The following ATP2B2 variants were observed in gnomAD, a reference collection of about 807,000 sequenced individuals.
ATP2B2 encodes the protein plasma membrane calcium-transporting ATPase 2.
ATP2B2 carries 15 observed loss-of-function variants against 120.0 expected under a neutral mutation model. That is an observed-to-expected ratio of 0.12 (90% confidence interval 0.08 to 0.19). ATP2B2 has a LOEUF of 0.19. ATP2B2 is among the 10% of genes least tolerant of loss of function. The pLI, the probability that ATP2B2 is intolerant of heterozygous loss-of-function variation, is 1.00. For missense variants in ATP2B2, 1,045 were observed against 1,719.8 expected (o/e 0.61, Z 6.94); for synonymous variants, 694 against 700.3 (o/e 0.99, Z 0.14).
intron 1 of ATP2B2, among the ~76,000 whole-genome samples, chr3:10,467,882 C>G (rs2064816115): frequency 6.6e-6 from 1 of 152,162 alleles, no homozygotes; most frequent in Non-Finnish European, 1.5e-5. Context: ...GGCAGTATCT[C>G]AATAATCCCG....
At position 10,530,255 on chromosome 3, in the gene ATP2B2, C is replaced by T. The variant is rs573377340; in HGVS notation, c.-320+3784G>A. ...CTGAGCAGTTGTCAATATTCCAGGC[C>T]CTAAGCTGGGCATATCCTATTTTCT... On this transcript the variant is annotated intron_variant, in intron 3 of 21. Coordinates refer to the ATP2B2 transcript ENST00000646379. 2.6e-3 allele frequency among the ~76,000 whole-genome samples: 398 copies of T among 152,340 alleles called. 4 individuals are homozygous for T. Among genetic ancestry groups the T allele is most frequent in the Non-Finnish European group, 4.9e-3 (335 of 68,030 alleles).
intron 2 of ATP2B2, among the ~76,000 whole-genome samples, chr3:10,579,548 C>A (rs1284609518): frequency 1.3e-5 from 2 of 152,220 alleles, no homozygotes; most frequent in Admixed American, 6.5e-5. Flanking sequence ...GTGGTGCACA[C>A]CTGTAACTCC....
chr3:10,345,314 A>C, intron 18 of ATP2B2, 70 bp downstream of exon 18: 1 of 1,560,708 alleles, frequency 6.4e-7, no homozygotes, highest in African/African-American at 1.4e-5. Context: ...GGAGTACCCT[A>C]AGGCCCCCGA....
intron 2 of ATP2B2, among the ~76,000 whole-genome samples, chr3:10,444,231 C>T (rs1434371476): frequency 6.6e-6 from 1 of 152,232 alleles, no homozygotes; most frequent in Non-Finnish European, 1.5e-5. Context: ...ACGCATGACC[C>T]TGCCCAGGCT....
chr3:10,592,282 T>C (rs1444555742), intron 2 of ATP2B2, among the ~76,000 whole-genome samples: 1 of 152,240 alleles, frequency 6.6e-6, no homozygotes, highest in Non-Finnish European at 1.5e-5. Flanking sequence ...GGGAAGTGGA[T>C]GGCAGAGAGA....
chr3:10,539,112 C>T lies in ATP2B2; in HGVS notation c.-414-4979G>A, dbSNP rs575366587. On this transcript the variant is annotated intron_variant, in intron 2 of 21. Coordinates refer to the ATP2B2 transcript ENST00000646379. The stretch of plus-strand genomic sequence containing the variant: ...CAGAGAGCCAAATCATGAGTGAACT[C>T]CCATTCACAATTGCTTCAAAGAGAA... Among the ~76,000 whole-genome samples the T allele has an allele frequency of 2.6e-5, 4 of 152,292 alleles. No homozygotes were observed. In the South Asian group the frequency reaches 8.3e-4, roughly 32 times the overall value.
chr3:10,422,670 T>C (rs903855824), intron 2 of ATP2B2, among the ~76,000 whole-genome samples: 5 of 152,256 alleles, frequency 3.3e-5, no homozygotes, highest in African/African-American at 1.2e-4. Flanking sequence ...CAACTGTGGA[T>C]GTGGCACTAG....
Position 10,697,778 on chromosome 3 carries a change from G to A in ATP2B2, c.-460+10137C>T, listed in dbSNP as rs547630990. Among the ~76,000 whole-genome samples the A allele has an allele frequency of 1.7e-4, 26 of 152,292 alleles. No individual in the cohort carries two copies. In the South Asian group the frequency reaches 2.7e-3, roughly 16 times the overall value. On this transcript the variant is annotated intron_variant, in intron 1 of 21. Transcript: ENST00000646379. The stretch of plus-strand genomic sequence containing the variant: ...AAACCATCCCCTCAAATTGACAGGC[G>A]TGCAGCAAATCCTAAATCTCAGGGT...
At chr3:10,501,270 G>A (rs1327798568) in intron 1 of ATP2B2, among the ~76,000 whole-genome samples, 3 of 151,932 alleles carry the variant, frequency 2.0e-5, no homozygotes, top group Admixed American at 6.5e-5. Context: ...GCCTCCCGCC[G>A]CCTCCATCCA....
chr3:10,476,174 C>T (rs2065195455), intron 1 of ATP2B2, among the ~76,000 whole-genome samples: 4 of 152,214 alleles, frequency 2.6e-5, no homozygotes, highest in Admixed American at 1.3e-4. Flanking sequence ...AACTGGGAAG[C>T]ATTTGCAGGG....
chr3:10,350,536 C>T lies in ATP2B2; in HGVS notation c.2178G>A (p.Thr726=), dbSNP rs768888914. The T allele has an allele frequency of 1.5e-5, 24 of 1,613,914 alleles. No homozygotes were observed. In the East Asian group the frequency reaches 2.5e-4, roughly 16 times the overall value. Residue 726 remains threonine (T), a synonymous_variant, in exon 15 of 23, where the codon ACG becomes ACA. Coordinates refer to ENST00000360273, the MANE Select transcript of ATP2B2 (RefSeq NM_001001331.4). The part of the protein sequence containing the change: ...AIRKCQRAGI[T]VRMVTGDNIN... ...TATTGTCGCCAGTGACCATGCGGAC[C>T]GTGATGCCTGCCCGCTGGCACTTGC...
intron 2 of ATP2B2, among the ~76,000 whole-genome samples, chr3:10,571,318 G>A (rs2068120349): frequency 6.6e-6 from 1 of 152,234 alleles, no homozygotes; most frequent in Admixed American, 6.5e-5. Flanking sequence ...CAGGAACAGA[G>A]CCTTCAGCAG....
rs1018624226 is a variant in ATP2B2 at position 10,401,133 on chromosome 3, G to A, written c.656-55C>T. The A allele has an allele frequency of 3.7e-6, 6 of 1,606,028 alleles. No individual in the cohort carries two copies. The Admixed American group carries it at 5.0e-5, about 13-fold the overall frequency. ...AGGCTCTCAGGTGACTAGAGGGCTG[G>A]AACATTCCCTTAAAGGTGCGATTAC... On this transcript the variant is annotated intron_variant, in intron 4 of 22. Coordinates refer to ENST00000360273, the MANE Select transcript of ATP2B2 (RefSeq NM_001001331.4).
intron 3 of ATP2B2, among the ~76,000 whole-genome samples, chr3:10,407,619 T>A (rs561186693): frequency 6.6e-6 from 1 of 152,162 alleles, no homozygotes; most frequent in Non-Finnish European, 1.5e-5. Context: ...GGACTCAACA[T>A]GGCAGGGGCT....
intron 2 of ATP2B2, among the ~76,000 whole-genome samples, chr3:10,564,458 T>A (rs771455651): frequency 1.3e-4 from 20 of 152,216 alleles, no homozygotes; most frequent in Non-Finnish European, 2.4e-4. Flanking sequence ...AGTGGGGGCA[T>A]GCTCCTTGCC....
chr3:10,575,579 C>T (rs191708502), intron 2 of ATP2B2, among the ~76,000 whole-genome samples: 1 of 152,184 alleles, frequency 6.6e-6, no homozygotes, highest in Admixed American at 6.5e-5. Context: ...ATGGAAGGCT[C>T]TTGAGCAGGG....
intron 2 of ATP2B2, among the ~76,000 whole-genome samples, chr3:10,587,616 G>A (rs1321106070): frequency 6.6e-6 from 1 of 152,188 alleles, no homozygotes; most frequent in East Asian, 1.9e-4. Flanking sequence ...TTGACCTCAA[G>A]TGATCTACCT....
intron 1 of ATP2B2, among the ~76,000 whole-genome samples, chr3:10,683,760 G>GTGTGTATATATATTTATA (rs1446781892): frequency 1.9e-5 from 1 of 53,888 alleles, no homozygotes; most frequent in Non-Finnish European, 3.8e-5. Context: ...GTGTGTGTGT[G>GTGTGTATATATATTTATA]TATATATATA....
intron 2 of ATP2B2, among the ~76,000 whole-genome samples, chr3:10,611,485 T>C (rs1212287801): frequency 6.6e-6 from 1 of 152,152 alleles, no homozygotes. Context: ...CACCGACATC[T>C]GCACTCTCCC....
Sources: allele counts gnomAD v4.1 joint callset (sites outside exome capture counted in the v4.1 genomes callset), GRCh38; gene constraint gnomAD v4.1.1; transcripts MANE v1.5; gene names NCBI Gene and HGNC (gene_info 2026-07-23, HGNC 2026-07-21).